The following TBC1D19 variants were observed in gnomAD, a reference collection of about 807,000 sequenced individuals.
TBC1D19 encodes the protein TBC1 domain family member 19.
TBC1D19 carries 60 observed loss-of-function variants against 89.0 expected under a neutral mutation model. The observed-to-expected ratio is 0.67, with a 90% confidence interval of 0.55 to 0.84. The LOEUF is 0.84. Among genes scored for constraint, TBC1D19 ranks in the 40% least tolerant of loss-of-function variants. TBC1D19 has a pLI of 0.00. For synonymous variants in TBC1D19, 189 were observed against 199.7 expected, an observed-to-expected ratio of 0.95 and a Z score of 0.45; for missense variants, 500 against 610.8, an observed-to-expected ratio of 0.82 and a Z score of 1.91.
chr4:26,740,187 A>G (rs1012748212), intron 17 of TBC1D19, among the ~76,000 whole-genome samples: 4 of 152,176 alleles, frequency 2.6e-5, no homozygotes, highest in Admixed American at 6.5e-5. Flanking sequence ...CTTGTCAACT[A>G]CATTTAAATG....
At chr4:26,849,195 C>CAA in the TBC1D19 span, among the ~76,000 whole-genome samples, 1 of 69,302 alleles carries the variant, frequency 1.4e-5, no homozygotes, top group African/African-American at 5.5e-5. Context: ...GATACACACA[C>CAA]ACACAAACAC....
the TBC1D19 span, among the ~76,000 whole-genome samples, chr4:26,797,292 C>T: frequency 6.6e-6 from 1 of 151,850 alleles, no homozygotes; most frequent in Non-Finnish European, 1.5e-5. Context: ...GAACTCAATC[C>T]CCGCAGTGGC....
At chr4:26,633,681 C>T (rs1374567817) in intron 4 of TBC1D19, among the ~76,000 whole-genome samples, 1 of 152,106 alleles carries the variant, frequency 6.6e-6, no homozygotes, top group African/African-American at 2.4e-5. Context: ...GTACTTGCTT[C>T]TCTTACTTAC....
chr4:26,671,489 G>A lies in TBC1D19; in HGVS notation c.665-660G>A, dbSNP rs115162103. 1.7e-3 allele frequency among the ~76,000 whole-genome samples: 256 copies of A among 151,552 alleles called. 2 individuals carry two copies. The highest frequency in any genetic ancestry group is 5.7e-3 in the African/African-American group (235 of 41,406). ...CTTCCACTGTGTTACTTACATTTTC[G>A]CTCTCTTAACAGTGCTTTTGATGAA... On this transcript the variant is annotated intron_variant, in intron 9 of 20. Coordinates refer to ENST00000264866, the MANE Select transcript of TBC1D19 (RefSeq NM_018317.4).
the TBC1D19 span, among the ~76,000 whole-genome samples, chr4:26,766,850 A>G: frequency 5.9e-5 from 9 of 152,348 alleles, no homozygotes; most frequent in East Asian, 9.6e-4. Flanking sequence ...GAGATAATGC[A>G]TATAGAATAT....
chr4:26,801,758 T>G, the TBC1D19 span, among the ~76,000 whole-genome samples: 1 of 152,176 alleles, frequency 6.6e-6, no homozygotes, highest in Non-Finnish European at 1.5e-5. Flanking sequence ...GTGGTACTTT[T>G]CTGGACGTGA....
the TBC1D19 span, among the ~76,000 whole-genome samples, chr4:26,808,881 T>C: frequency 6.6e-6 from 1 of 152,192 alleles, no homozygotes; most frequent in Non-Finnish European, 1.5e-5. Flanking sequence ...CTGAGCAGCA[T>C]TGACTTGCTG....
Position 26,659,613 on chromosome 4 carries a change from G to T in TBC1D19, c.497G>T (p.Arg166Leu), listed in dbSNP as rs747990019. The T allele has an allele frequency of 1.3e-6, 2 of 1,584,140 alleles. No homozygotes were observed. The highest frequency in any genetic ancestry group is 1.7e-6 in the Non-Finnish European group (2 of 1,159,304). Residue 166 changes from arginine to leucine, a missense_variant, in exon 8 of 21, where the codon CGC becomes CTC. This residue lies in a region of TBC1D19 where 280 missense variants were observed against 291.7 expected (regional missense o/e 0.96). Transcript: ENST00000264866. Reference protein sequence around the residue: ...KDFLEVLINLRNPNYENGDSL... With the variant: ...KDFLEVLINLLNPNYENGDSL... ...TTTTTAAAGGTATTAATTAATCTTC[G>T]CAACCCAAATTATGAAAACGGTGAT...
intron 13 of TBC1D19, among the ~76,000 whole-genome samples, chr4:26,697,438 G>T (rs1714901371): frequency 1.3e-5 from 2 of 152,158 alleles, no homozygotes; most frequent in African/African-American, 2.4e-5. Context: ...GAGGTACAAG[G>T]AGGAGCTGGT....
At chr4:26,640,117 T>C in intron 6 of TBC1D19, 24 bp from the exon 7 acceptor site, 1 of 1,533,206 alleles carries the variant, frequency 6.5e-7, no homozygotes, top group African/African-American at 1.4e-5. Flanking sequence ...GCTGAAATTT[T>C]GTTTATAATC....
At chr4:26,726,126 AACACACACAC>A (rs56262902) in intron 15 of TBC1D19, among the ~76,000 whole-genome samples, 3,729 of 127,134 alleles carry the variant, frequency 0.029, 76 homozygotes, top group East Asian at 0.057. Flanking sequence ...CAATTCTCCC[AACACACACAC>A]ACACACACAC....
At chr4:26,759,778 A>G (rs1464895407), downstream of TBC1D19, among the ~76,000 whole-genome samples, 1 of 152,184 alleles carries the variant, frequency 6.6e-6, no homozygotes, top group African/African-American at 2.4e-5. Flanking sequence ...CATCCATATT[A>G]TGTGATAGTA....
chr4:26,754,594 A>G (rs952651423), intron 20 of TBC1D19, among the ~76,000 whole-genome samples: 2 of 152,238 alleles, frequency 1.3e-5, no homozygotes, highest in African/African-American at 4.8e-5. Flanking sequence ...TTATAGAAGC[A>G]AGTTGAAATG....
At chr4:26,796,991 CA>C in the TBC1D19 span, among the ~76,000 whole-genome samples, 1 of 151,926 alleles carries the variant, frequency 6.6e-6, no homozygotes, top group South Asian at 2.1e-4. Flanking sequence ...AATTATACCT[CA>C]AAAAAGCTAT....
the TBC1D19 span, among the ~76,000 whole-genome samples, chr4:26,785,667 C>T: frequency 5.3e-5 from 8 of 152,160 alleles, no homozygotes; most frequent in African/African-American, 1.7e-4. Flanking sequence ...GTGGGGACCA[C>T]GGCATTGCAT....
the TBC1D19 span, chr4:26,858,517 T>C: frequency 6.6e-6 from 1 of 152,010 alleles, no homozygotes; most frequent in African/African-American, 2.4e-5. Context: ...TCATTTGGAG[T>C]CTTGTGTTTA....
At chr4:26,831,580 TTTTTTTTTTTC>T in the TBC1D19 span, among the ~76,000 whole-genome samples, 1 of 128,724 alleles carries the variant, frequency 7.8e-6, no homozygotes, top group African/African-American at 4.3e-5. Flanking sequence ...TTTTTCTTCT[TTTTTTTTTTTC>T]TTTTTTTTTT....
intron 7 of TBC1D19, among the ~76,000 whole-genome samples, chr4:26,641,885 G>C (rs1337265309): frequency 6.6e-6 from 1 of 152,120 alleles, no homozygotes; most frequent in Non-Finnish European, 1.5e-5. Flanking sequence ...CAGAAAAAAA[G>C]AGTAAAAAGA....
intron 18 of TBC1D19, among the ~76,000 whole-genome samples, chr4:26,746,910 G>A (rs1718680821): frequency 6.6e-6 from 1 of 152,134 alleles, no homozygotes; most frequent in Admixed American, 6.5e-5. Context: ...GATAACCAAT[G>A]TGGCTTCTAA....
Sources: gnomAD v4.1 joint callset for allele counts (sites outside exome capture counted in the v4.1 genomes callset) on GRCh38, gnomAD v4.1.1 for gene constraint, gnomAD v4.1.1 regional missense constraint, MANE v1.5 for transcripts, NCBI Gene and HGNC (gene_info 2026-07-23, HGNC 2026-07-21) for gene names.